Variants in VSTM2A observed in about 807,000 individuals in gnomAD.
The protein encoded by VSTM2A is V-set and transmembrane domain containing 2A.
In VSTM2A, 13 loss-of-function variants were observed where a neutral mutation model predicts 27.3. That is an observed-to-expected ratio of 0.48 (90% CI 0.31 to 0.76). VSTM2A has a LOEUF of 0.76. Among genes scored for constraint, VSTM2A ranks in the 30% least tolerant of loss-of-function variants. The pLI, the probability that VSTM2A is intolerant of heterozygous loss-of-function variation, is 0.05. For missense variants in VSTM2A, 280 were observed against 310.0 expected (o/e 0.90, Z 0.73); for synonymous variants, 142 against 125.7 (o/e 1.13, Z -0.87).
chr7:54,569,309 G>T lies in VSTM2A; in HGVS notation c.*90G>T. ...ATCATATTTTCTTTGGCAAAACACT[G>T]ATCTTTTATTTTAAGAGAATTAACG... On this transcript the variant is annotated 3_prime_UTR_variant, in exon 5 of 5. Transcript: ENST00000402613. The T allele has an allele frequency of 6.6e-7, 1 of 1,518,072 alleles. No individual in the cohort carries two copies. Among genetic ancestry groups the T allele is most frequent in the East Asian group, 2.5e-5 (1 of 40,522 alleles). 94.0% of individuals were successfully genotyped at this position (1,518,072 alleles called of 1,614,324 possible). A position where few individuals can be genotyped will look rare whatever the true frequency, so the allele number is the denominator to read the frequency against.
chr7:54,564,939 C>G (rs1250792604), intron 4 of VSTM2A, among the ~76,000 whole-genome samples: 1 of 152,054 alleles, frequency 6.6e-6, no homozygotes, highest in African/African-American at 2.4e-5. Context: ...GTTGAAAAAC[C>G]AAGAGGCTGA....
intron 4 of VSTM2A, among the ~76,000 whole-genome samples, chr7:54,563,064 T>C (rs1436408247): frequency 6.6e-6 from 1 of 152,202 alleles, no homozygotes; most frequent in Admixed American, 6.5e-5. Context: ...TAGAATTTCG[T>C]TCTTGGAAAG....
At position 54,544,713 on chromosome 7, in the gene VSTM2A, G is replaced by A; in HGVS notation, c.171G>A (p.Val57=). ...SCAFQSGSAS[V]YLEIQWWFLR... is the part of the protein sequence containing the mutation. Reference sequence around the variant, plus strand: ...CCTTCCAGAGCGGCTCCGCCTCGGTGTATCTGGAGATCCAATGGTGGTTCC... The same window carrying A: ...CCTTCCAGAGCGGCTCCGCCTCGGTATATCTGGAGATCCAATGGTGGTTCC... Residue 57 remains valine (V), a synonymous_variant, in exon 2 of 5, where the codon GTG becomes GTA. Coordinates refer to ENST00000402613, the MANE Select transcript of VSTM2A (RefSeq NM_001301009.2). 1.2e-6 allele frequency: 2 copies of A among 1,612,806 alleles called. No individual in the cohort carries two copies. The highest frequency in any genetic ancestry group is 1.7e-6 in the Non-Finnish European group (2 of 1,179,870).
intron 3 of VSTM2A, among the ~76,000 whole-genome samples, chr7:54,549,586 G>A (rs367943353): frequency 6.6e-6 from 1 of 152,206 alleles, no homozygotes; most frequent in East Asian, 1.9e-4. Flanking sequence ...TGGGGGGCAC[G>A]TGGCTGACAG....
intron 4 of VSTM2A, among the ~76,000 whole-genome samples, chr7:54,554,372 T>C (rs1306711647): frequency 6.6e-6 from 1 of 152,210 alleles, no homozygotes; most frequent in African/African-American, 2.4e-5. Flanking sequence ...TTCCATGGTT[T>C]TGACTGCTAA....
chr7:54,558,943 GT>G (rs1331207532), intron 4 of VSTM2A: 1 of 151,886 alleles, frequency 6.6e-6, no homozygotes, highest in African/African-American at 2.4e-5. Flanking sequence ...TTTTATTTAA[GT>G]AAATAATATG....
chr7:54,550,216 C>T (rs1376028843), intron 4 of VSTM2A, 46 bp downstream of exon 4: 2 of 1,556,592 alleles, frequency 1.3e-6, no homozygotes, highest in African/African-American at 2.7e-5. Flanking sequence ...CTCACAAACG[C>T]TCCACAGAAA....
At chr7:54,568,889 T>A in intron 4 of VSTM2A, 1 of 1,080,044 alleles carries the variant, frequency 9.3e-7, no homozygotes, top group South Asian at 1.6e-5. Context: ...AAGACATTCA[T>A]GAGCACCAGA....
chr7:54,548,172 G>A (rs1006642074), intron 3 of VSTM2A, among the ~76,000 whole-genome samples: 2 of 151,734 alleles, frequency 1.3e-5, no homozygotes, highest in South Asian at 2.1e-4. Flanking sequence ...CCCTTCACCC[G>A]TCCCCCTATC....
At chr7:54,556,439 A>G (rs1193557254) in intron 4 of VSTM2A, among the ~76,000 whole-genome samples, 2 of 152,124 alleles carry the variant, frequency 1.3e-5, no homozygotes, top group African/African-American at 2.4e-5. Flanking sequence ...GAGGAGGGAG[A>G]TGAGGGACTG....
intron 2 of VSTM2A, 108 bp from the exon 3 acceptor site, chr7:54,546,839 C>T: frequency 1.4e-6 from 2 of 1,478,608 alleles, no homozygotes; most frequent in Non-Finnish European, 1.8e-6. Flanking sequence ...TCCCCTGTCC[C>T]CAGGTCACCC....
rs1310896158 is a variant in VSTM2A, at chr7:54,542,886, CAGAT to C, written c.79+81_79+84del. The C allele has an allele frequency of 3.7e-6, 5 of 1,361,376 alleles. No homozygotes were observed. In the African/African-American group the frequency reaches 7.2e-5, roughly 20 times the overall value. The allele number at this position is 1,361,376 out of a possible 1,614,324, so 84.3% of individuals were successfully genotyped here. A position where few individuals can be genotyped will look rare whatever the true frequency, so the allele number is the denominator to read the frequency against. On this transcript the variant is annotated intron_variant, in intron 1 of 4. Coordinates refer to ENST00000402613, the MANE Select transcript of VSTM2A (RefSeq NM_001301009.2). ...CCTACACTCAAAAAGAATGGACAGG[CAGAT>C]AGAATAAGCTTCCTAGCAAGTAACA...
Position 54,570,855 on chromosome 7 carries a change from G to A in VSTM2A, c.*1636G>A, listed in dbSNP as rs943224985. On this transcript the variant is annotated 3_prime_UTR_variant, in exon 5 of 5. Coordinates refer to ENST00000402613, the MANE Select transcript of VSTM2A (RefSeq NM_001301009.2). ...CTCCCAGCCTAAGGTCCTATAACCC[G>A]AAGCTTGAAGGCAATCAGTACCTCT... 1 of 152,126 alleles carries A rather than the reference G, an allele frequency of 6.6e-6. No homozygotes were observed. The highest frequency in any genetic ancestry group is 1.5e-5 in the Non-Finnish European group (1 of 68,004). The allele number at this position is 152,126 out of a possible 1,614,324, so 9.4% of individuals were successfully genotyped here.
At chr7:54,568,505 A>G (rs1357666235) in intron 4 of VSTM2A, among the ~76,000 whole-genome samples, 1 of 151,996 alleles carries the variant, frequency 6.6e-6, no homozygotes, top group Non-Finnish European at 1.5e-5. Flanking sequence ...TCTTGATAGC[A>G]CTAACTTTCT....
chr7:54,550,275 C>T (rs1486915181), intron 4 of VSTM2A, 105 bp downstream of exon 4: 6 of 1,514,240 alleles, frequency 4.0e-6, no homozygotes, highest in Non-Finnish European at 4.4e-6. Flanking sequence ...TTTTTAAAAT[C>T]GGAGACCTAG....
In VSTM2A at chr7:54,542,629, C is replaced by T. The variant is rs1787817915; in HGVS notation, c.-102C>T. On this transcript the variant is annotated 5_prime_UTR_variant, in exon 1 of 5. Transcript: ENST00000402613. ...AAGCAGCAGGATGTTTGCAGTGTCG[C>T]GCCCAGGGCTCTGAGACTGAGCCTG... 3.0e-6 allele frequency: 3 copies of T among 1,013,616 alleles called. No homozygotes were observed. The highest frequency in any genetic ancestry group is 4.5e-6 in the Non-Finnish European group (3 of 661,612). 62.8% of individuals were successfully genotyped at this position (1,013,616 alleles called of 1,614,324 possible). A position where few individuals can be genotyped will look rare whatever the true frequency, so the allele number is the denominator to read the frequency against.
intron 4 of VSTM2A, among the ~76,000 whole-genome samples, chr7:54,564,492 A>G (rs1020265749): frequency 1.2e-4 from 18 of 152,196 alleles, no homozygotes; most frequent in Non-Finnish European, 2.1e-4. Context: ...TCCATCAGAA[A>G]ATATTCAAAG....
Position 54,544,656 on chromosome 7 carries a change from G to A in VSTM2A, c.114G>A (p.Ala38=), listed in dbSNP as rs1391600011. ...KFTEFPRNVT[A]TEGQNVEMSC... ...CCGAGTTTCCGCGGAACGTGACGGC[G>A]ACCGAGGGGCAGAATGTGGAGATGT... The change falls in exon 2 of 5, where the codon GCG becomes GCA. Residue 38 remains alanine, a synonymous_variant. Coordinates refer to ENST00000402613, the MANE Select transcript of VSTM2A (RefSeq NM_001301009.2). 4 of 1,612,866 alleles carry A rather than the reference G, an allele frequency of 2.5e-6. No homozygotes were observed. The African/African-American group carries it at 5.3e-5, about 22-fold the overall frequency.
chr7:54,564,821 A>G (rs1788670564), intron 4 of VSTM2A, among the ~76,000 whole-genome samples: 1 of 151,836 alleles, frequency 6.6e-6, no homozygotes, highest in African/African-American at 2.4e-5. Context: ...ATTCAGAGGA[A>G]CCTTTGTAAG....
Sources: allele counts gnomAD v4.1 joint callset (sites outside exome capture counted in the v4.1 genomes callset), GRCh38; gene constraint gnomAD v4.1.1; transcripts MANE v1.5; gene names NCBI Gene and HGNC (gene_info 2026-07-23, HGNC 2026-07-21).